Variants in BANK1 observed in about 807,000 individuals in gnomAD.
BANK1 encodes the protein B cell scaffold protein with ankyrin repeats 1.
In BANK1, 95 loss-of-function variants were observed where a neutral mutation model predicts 94.5. The observed-to-expected ratio is 1.00, with a 90% CI of 0.85 to 1.19. The LOEUF is 1.19. Ranked by LOEUF, BANK1 falls within the 50% of genes most tolerant of loss-of-function variation. The pLI is 0.00. For missense variants in BANK1, 987 were observed against 932.2 expected, an observed-to-expected ratio of 1.06 and a Z score of -0.77; for synonymous variants, 334 against 308.4, an observed-to-expected ratio of 1.08 and a Z score of -0.87.
At chr4:101,839,956 T>A (rs1487277888) in intron 2 of BANK1, among the ~76,000 whole-genome samples, 1,373 of 47,226 alleles carry the variant, frequency 0.029, 47 homozygotes, top group African/African-American at 0.13. Context: ...TTTTTTTTTT[T>A]TTTTTTTTTT....
At chr4:101,882,170 A>G (rs1041040821) in intron 5 of BANK1, among the ~76,000 whole-genome samples, 2 of 152,168 alleles carry the variant, frequency 1.3e-5, no homozygotes, top group African/African-American at 4.8e-5. Context: ...CTGTATCAAA[A>G]CATCTCATGT....
chr4:101,988,181 A>G (rs1485076527), intron 7 of BANK1, among the ~76,000 whole-genome samples: 1 of 152,240 alleles, frequency 6.6e-6, no homozygotes, highest in Non-Finnish European at 1.5e-5. Flanking sequence ...ATGTTTAACG[A>G]AAATAGTTTA....
chr4:101,947,224 A>G (rs1333844211), intron 7 of BANK1, among the ~76,000 whole-genome samples: 2 of 149,258 alleles, frequency 1.3e-5, no homozygotes, highest in Admixed American at 1.3e-4. Flanking sequence ...AGAGAACCCT[A>G]TAAAAATTAA....
At chr4:101,889,005 A>G (rs11939568) in intron 5 of BANK1, among the ~76,000 whole-genome samples, 52,071 of 152,048 alleles carry the variant, frequency 0.34, 9,218 homozygotes, top group African/African-American at 0.38. Context: ...ATAAGTATCT[A>G]TATATCTCAA....
chr4:102,055,793 C>T (rs1287488285), intron 11 of BANK1, among the ~76,000 whole-genome samples: 2 of 152,024 alleles, frequency 1.3e-5, no homozygotes, highest in Non-Finnish European at 2.9e-5. Flanking sequence ...GAAATTAAAT[C>T]CTCTCAACTC....
chr4:102,043,337 G>A (rs563476325), intron 10 of BANK1, among the ~76,000 whole-genome samples: 5 of 152,152 alleles, frequency 3.3e-5, no homozygotes, highest in African/African-American at 9.6e-5. Context: ...CGAATAAGCT[G>A]TTTTAATAAG....
chr4:101,921,826 A>G (rs1340197737), intron 7 of BANK1, among the ~76,000 whole-genome samples: 6 of 151,874 alleles, frequency 4.0e-5, no homozygotes, highest in Non-Finnish European at 7.4e-5. Context: ...AATTATAAAT[A>G]TTGATGAAGA....
At chr4:101,849,622 A>G (rs1727396250) in intron 2 of BANK1, among the ~76,000 whole-genome samples, 3 of 152,162 alleles carry the variant, frequency 2.0e-5, no homozygotes, top group Admixed American at 2.0e-4. Context: ...CATACTATAT[A>G]AAAAAATTTA....
At chr4:102,003,779 C>G (rs1726153941) in intron 7 of BANK1, among the ~76,000 whole-genome samples, 1 of 151,826 alleles carries the variant, frequency 6.6e-6, no homozygotes, top group African/African-American at 2.4e-5. Flanking sequence ...TATGCATACA[C>G]ACAGATATAA....
chr4:101,960,238 G>A (rs1724521831), intron 7 of BANK1, among the ~76,000 whole-genome samples: 1 of 152,136 alleles, frequency 6.6e-6, no homozygotes. Flanking sequence ...TCACTTGTAA[G>A]GAAAATGGAT....
At chr4:102,003,455 TG>T (rs1726143402) in intron 7 of BANK1, among the ~76,000 whole-genome samples, 1 of 152,196 alleles carries the variant, frequency 6.6e-6, no homozygotes, top group African/African-American at 2.4e-5. Flanking sequence ...TGAGGTCAGC[TG>T]GGACTGTGAA....
At position 102,074,637 on chromosome 4, in the gene BANK1, A is replaced by ATTAT. The variant is rs1201554541; in HGVS notation, c.*641_*644dup. ...TTAAGACTTGCAATTTTATCAATCTATTATTTCTTAGAAACAATTTACTAG... is the reference window on the plus strand; with the variant it reads ...TTAAGACTTGCAATTTTATCAATCTATTATTTATTTCTTAGAAACAATTTACTAG... On this transcript the variant is annotated 3_prime_UTR_variant, in exon 17 of 17. Transcript: ENST00000322953. The ATTAT allele has an allele frequency of 2.6e-5, 4 of 152,044 alleles. No individual in the cohort carries two copies. Among genetic ancestry groups the ATTAT allele is most frequent in the Non-Finnish European group, 4.4e-5 (3 of 67,896 alleles). 9.4% of individuals were successfully genotyped at this position (152,044 alleles called of 1,614,324 possible).
At chr4:101,803,315 G>T (rs993383832) in intron 1 of BANK1, among the ~76,000 whole-genome samples, 1 of 152,074 alleles carries the variant, frequency 6.6e-6, no homozygotes. Flanking sequence ...GAGTGAGAGG[G>T]AGGGAATTAA....
At chr4:101,867,948 G>A (rs1032924802) in intron 4 of BANK1, among the ~76,000 whole-genome samples, 5 of 151,460 alleles carry the variant, frequency 3.3e-5, no homozygotes, top group South Asian at 2.1e-4. Context: ...ACCCAACCAC[G>A]TTAGTGAAGC....
At chr4:101,937,119 A>G (rs983173960) in intron 7 of BANK1, among the ~76,000 whole-genome samples, 2 of 151,794 alleles carry the variant, frequency 1.3e-5, no homozygotes, top group Non-Finnish European at 1.5e-5. Flanking sequence ...CTATTCAGCC[A>G]TAAAAAAGAA....
In BANK1 at chr4:102,060,205, T is replaced by A; in HGVS notation, c.1970-6T>A. On this transcript the variant is annotated splice_polypyrimidine_tract_variant and splice_region_variant and intron_variant, in intron 11 of 16. Coordinates refer to ENST00000322953, the MANE Select transcript of BANK1 (RefSeq NM_017935.5). Reference sequence around the variant, plus strand: ...TCTGTTAATGCACCCTCCCCTTGTATTTTAGACAGAGCTCGGATAGAGAGT... The same window carrying A: ...TCTGTTAATGCACCCTCCCCTTGTAATTTAGACAGAGCTCGGATAGAGAGT... 1 of 1,562,030 alleles carries A rather than the reference T, an allele frequency of 6.4e-7. No individual in the cohort carries two copies. Among genetic ancestry groups the A allele is most frequent in the African/African-American group, 1.4e-5 (1 of 71,436 alleles).
At chr4:102,019,041 C>T (rs1386229748) in intron 7 of BANK1, among the ~76,000 whole-genome samples, 1 of 152,076 alleles carries the variant, frequency 6.6e-6, no homozygotes, top group African/African-American at 2.4e-5. Context: ...TGGTCTTGAA[C>T]TCCTGACCTC....
chr4:101,894,208 G>A (rs1451346871), intron 5 of BANK1, among the ~76,000 whole-genome samples: 1 of 151,922 alleles, frequency 6.6e-6, no homozygotes, highest in African/African-American at 2.4e-5. Flanking sequence ...GGAAGGCAGA[G>A]CTTTTTGTCA....
chr4:101,934,142 G>A (rs898349129), intron 7 of BANK1, among the ~76,000 whole-genome samples: 1 of 151,422 alleles, frequency 6.6e-6, no homozygotes, highest in African/African-American at 2.4e-5. Context: ...TAGAAAGAAG[G>A]CCAAACATGT....
Sources: gnomAD v4.1 joint callset for allele counts (sites outside exome capture counted in the v4.1 genomes callset) on GRCh38, gnomAD v4.1.1 for gene constraint, MANE v1.5 for transcripts, NCBI Gene and HGNC (gene_info 2026-07-23, HGNC 2026-07-21) for gene names.